NKAIN2: variants seen among roughly 807,000 people sequenced by gnomAD.
The protein encoded by NKAIN2 is sodium/potassium transporting ATPase interacting 2.
In NKAIN2, 14 loss-of-function variants were observed where a neutral mutation model predicts 32.6. That is an observed-to-expected ratio of 0.43 (90% CI 0.28 to 0.67). NKAIN2 has a LOEUF of 0.67. Ranked by LOEUF, NKAIN2 falls within the 30% of genes least tolerant of loss-of-function variation. NKAIN2 has a pLI of 0.17. For missense variants in NKAIN2, 198 were observed against 258.3 expected (o/e 0.77, Z 1.60); for synonymous variants, 80 against 87.2 (o/e 0.92, Z 0.46).
intron 1 of NKAIN2, among the ~76,000 whole-genome samples, chr6:124,265,542 A>G (rs540949314): frequency 1.3e-5 from 2 of 152,340 alleles, no homozygotes; most frequent in South Asian, 2.1e-4. Flanking sequence ...TTGTAATAAG[A>G]TAACAGAAGG....
chr6:124,792,742 G>C (rs560502670), intron 5 of NKAIN2, among the ~76,000 whole-genome samples: 1 of 152,204 alleles, frequency 6.6e-6, no homozygotes, highest in South Asian at 2.1e-4. Flanking sequence ...GTGGTCCCAG[G>C]CAAAAGGTGA....
At chr6:124,606,866 A>G (rs774244627) in intron 3 of NKAIN2, among the ~76,000 whole-genome samples, 2 of 152,108 alleles carry the variant, frequency 1.3e-5, no homozygotes, top group Non-Finnish European at 2.9e-5. Flanking sequence ...CCATGTTTAT[A>G]ATTTTGAATT....
At chr6:123,956,800 A>G (rs1402090787) in intron 1 of NKAIN2, among the ~76,000 whole-genome samples, 1 of 152,222 alleles carries the variant, frequency 6.6e-6, no homozygotes, top group African/African-American at 2.4e-5. Flanking sequence ...CAGAAATGAT[A>G]TAGCATTTGT....
intron 1 of NKAIN2, among the ~76,000 whole-genome samples, chr6:124,161,713 T>A (rs997703677): frequency 4.3e-4 from 66 of 152,104 alleles, no homozygotes; most frequent in African/African-American, 1.6e-3. Context: ...TGATACCACA[T>A]GTTCTCACTT....
intron 3 of NKAIN2, among the ~76,000 whole-genome samples, chr6:124,458,730 A>G (rs531748976): frequency 1.3e-5 from 2 of 151,966 alleles, no homozygotes; most frequent in African/African-American, 2.4e-5. Context: ...AGACACTGCA[A>G]TATCTCCTGC....
At chr6:124,778,098 G>C (rs1301573079) in intron 4 of NKAIN2, among the ~76,000 whole-genome samples, 1 of 152,112 alleles carries the variant, frequency 6.6e-6, no homozygotes, top group Non-Finnish European at 1.5e-5. Context: ...GGGAGAACAA[G>C]TGATAATGAC....
At chr6:124,559,249 T>C (rs1003152246) in intron 3 of NKAIN2, among the ~76,000 whole-genome samples, 1 of 152,120 alleles carries the variant, frequency 6.6e-6, no homozygotes, top group Non-Finnish European at 1.5e-5. Context: ...GGATAATATA[T>C]AAAATCCTGT....
At chr6:124,293,505 G>A (rs943849297) in intron 2 of NKAIN2, among the ~76,000 whole-genome samples, 1 of 152,024 alleles carries the variant, frequency 6.6e-6, no homozygotes, top group African/African-American at 2.4e-5. Context: ...AACTACAAAT[G>A]TTCTTAGAAC....
chr6:124,137,034 C>A (rs539757706), intron 1 of NKAIN2, among the ~76,000 whole-genome samples: 30 of 152,042 alleles, frequency 2.0e-4, no homozygotes, highest in African/African-American at 6.7e-4. Context: ...GAGAAAGAAA[C>A]AAAGGGCATC....
intron 1 of NKAIN2, among the ~76,000 whole-genome samples, chr6:124,013,392 G>A (rs1780425175): frequency 6.6e-6 from 1 of 152,008 alleles, no homozygotes; most frequent in Non-Finnish European, 1.5e-5. Context: ...AGTCACAAAG[G>A]TTTATACTAG....
chr6:124,121,868 A>G (rs1415368940), intron 1 of NKAIN2: 13 of 1,155,300 alleles, frequency 1.1e-5, no homozygotes, highest in African/African-American at 1.6e-5. Flanking sequence ...TCCCTCTGGT[A>G]TATTTACAGG....
At chr6:124,362,158 G>A (rs1258534552) in intron 3 of NKAIN2, among the ~76,000 whole-genome samples, 6 of 151,286 alleles carry the variant, frequency 4.0e-5, no homozygotes. Context: ...TAATATATTG[G>A]GTTCATTTTT....
chr6:124,049,639 A>G (rs1782315108), intron 1 of NKAIN2, among the ~76,000 whole-genome samples: 1 of 152,018 alleles, frequency 6.6e-6, no homozygotes, highest in South Asian at 2.1e-4. Flanking sequence ...ATATGTTTTA[A>G]ATTGTGCCTC....
At chr6:124,731,384 A>G (rs1470066736) in intron 4 of NKAIN2, among the ~76,000 whole-genome samples, 1 of 151,846 alleles carries the variant, frequency 6.6e-6, no homozygotes, top group African/African-American at 2.4e-5. Flanking sequence ...CAGCCATAAA[A>G]AATGATGAGT....
chr6:124,660,233 T>C (rs1784697694), intron 4 of NKAIN2, among the ~76,000 whole-genome samples: 1 of 152,218 alleles, frequency 6.6e-6, no homozygotes, highest in African/African-American at 2.4e-5. Context: ...AATTTCCACC[T>C]ATGTTTTAAG....
intron 2 of NKAIN2, among the ~76,000 whole-genome samples, chr6:124,286,216 A>C (rs955256702): frequency 9.2e-5 from 14 of 152,150 alleles, no homozygotes; most frequent in African/African-American, 3.4e-4. Context: ...ACAATTTAAA[A>C]ATTAACATGA....
At chr6:124,510,669 C>G (rs1164095820) in intron 3 of NKAIN2, among the ~76,000 whole-genome samples, 2 of 152,148 alleles carry the variant, frequency 1.3e-5, no homozygotes, top group Non-Finnish European at 2.9e-5. Flanking sequence ...GTCCTCAATC[C>G]TTTCAGCTTG....
chr6:124,723,101 T>C (rs752019698), intron 4 of NKAIN2, among the ~76,000 whole-genome samples: 14 of 152,194 alleles, frequency 9.2e-5, no homozygotes, highest in Non-Finnish European at 2.1e-4. Context: ...GATGTGAAAG[T>C]ACCTCAAGAT....
chr6:124,083,124 G>C (rs1251948603), intron 1 of NKAIN2, among the ~76,000 whole-genome samples: 1 of 151,696 alleles, frequency 6.6e-6, no homozygotes, highest in Non-Finnish European at 1.5e-5. Context: ...CTATATGTTT[G>C]TATACAAAAT....
Sources: gnomAD v4.1 joint callset for allele counts (sites outside exome capture counted in the v4.1 genomes callset) on GRCh38, gnomAD v4.1.1 for gene constraint, MANE v1.5 for transcripts, NCBI Gene and HGNC (gene_info 2026-07-23, HGNC 2026-07-21) for gene names.